Variants in FNIP2 observed in about 807,000 individuals in gnomAD.
FNIP2 encodes folliculin interacting protein 2.
FNIP2 carries 32 observed loss-of-function variants against 108.7 expected under a neutral mutation model. That is an observed-to-expected ratio of 0.29 (90% CI 0.22 to 0.40). The LOEUF (loss-of-function observed/expected upper bound fraction) is 0.40, where lower values mean the gene tolerates loss of function less well. FNIP2 is among the 10% of genes least tolerant of loss of function. The pLI, the probability that FNIP2 is intolerant of heterozygous loss-of-function variation, is 1.00. For synonymous variants in FNIP2, 480 were observed against 496.7 expected, an observed-to-expected ratio of 0.97 and a Z score of 0.45; for missense variants, 1,202 against 1,381.6, an observed-to-expected ratio of 0.87 and a Z score of 2.06.
rs879207636 is a variant in FNIP2, at chr4:158,870,301, A to G, written c.2793-12A>G. 4.6e-5 allele frequency: 74 copies of G among 1,610,392 alleles called. 3 individuals are homozygous for G. The South Asian group carries it at 8.0e-4, about 17-fold the overall frequency. ...TTAGCTGTGCATTTTAATGGGCCAC[A>G]TGTTGTTTTAGGTCTCAGAGCATCA... On this transcript the variant is annotated splice_polypyrimidine_tract_variant and intron_variant, in intron 13 of 16. Transcript: ENST00000264433.
intron 1 of FNIP2, among the ~76,000 whole-genome samples, chr4:158,794,892 T>C (rs1776531967): frequency 6.6e-6 from 1 of 152,240 alleles, no homozygotes; most frequent in Non-Finnish European, 1.5e-5. Context: ...ACATTAATCC[T>C]CTCGAAGTTG....
rs1203391209 is a variant in FNIP2, at chr4:158,871,856, G to T, written c.2949+1387G>T. The T allele has an allele frequency of 5.1e-6, 5 of 985,276 alleles. No individual in the cohort carries two copies. The African/African-American group carries it at 7.0e-5, about 14-fold the overall frequency. The allele number at this position is 985,276 out of a possible 1,614,324, so 61.0% of individuals were successfully genotyped here. A position where few individuals can be genotyped will look rare whatever the true frequency, so the allele number is the denominator to read the frequency against. On this transcript the variant is annotated intron_variant, in intron 14 of 16. Transcript: ENST00000264433. The stretch of plus-strand genomic sequence containing the variant: ...CCCCTGTAAGAAAAATGCCCTCATT[G>T]TATAATGCTAAGTTGTCCAAAACGA...
chr4:158,795,401 C>T (rs762944533), intron 1 of FNIP2, among the ~76,000 whole-genome samples: 17 of 152,216 alleles, frequency 1.1e-4, no homozygotes, highest in Non-Finnish European at 1.5e-5. Context: ...AGGTGTGGTC[C>T]ATGTCCTCGA....
rs116173749 is a variant in FNIP2, at chr4:158,835,212, G to A, written c.656-193G>A. 2.2e-3 allele frequency: 658 copies of A among 304,354 alleles called. 6 individuals carry two copies. The highest frequency in any genetic ancestry group is 0.013 in the African/African-American group (611 of 46,662). The allele number at this position is 304,354 out of a possible 1,614,324, so 18.9% of individuals were successfully genotyped here. A position where few individuals can be genotyped will look rare whatever the true frequency, so the allele number is the denominator to read the frequency against. ...AATACAGGCAGATTTTTATGAGATGGTTACTTGGTTCTCTTTTCTTCTCAT... is the reference window on the plus strand; with the variant it reads ...AATACAGGCAGATTTTTATGAGATGATTACTTGGTTCTCTTTTCTTCTCAT... On this transcript the variant is annotated intron_variant, in intron 6 of 16. Coordinates refer to ENST00000264433, the MANE Select transcript of FNIP2 (RefSeq NM_020840.3).
intron 11 of FNIP2, 28 bp downstream of exon 11, chr4:158,861,516 A>G (rs766507930): frequency 7.4e-6 from 12 of 1,613,810 alleles, no homozygotes; most frequent in African/African-American, 1.3e-5. Context: ...GGAGACTTGT[A>G]TGCAAATCTC....
Position 158,769,339 on chromosome 4 carries a change from C to A in FNIP2, c.107+20C>A. On this transcript the variant is annotated intron_variant, in intron 1 of 16. Transcript: ENST00000264433. ...CTTTAGGTGAGGGGGCGCCGGGGGG[C>A]AATTCTGGCGCGGGACCCGAGTTGG... is the stretch of plus-strand genomic sequence containing the variant. 1 of 1,456,120 alleles carries A rather than the reference C, an allele frequency of 6.9e-7. No homozygotes were observed. Among genetic ancestry groups the A allele is most frequent in the Non-Finnish European group, 9.1e-7 (1 of 1,097,854 alleles). 90.2% of individuals were successfully genotyped at this position (1,456,120 alleles called of 1,614,324 possible).
At chr4:158,799,169 CTG>C (rs1776682554) in intron 1 of FNIP2, among the ~76,000 whole-genome samples, 1 of 152,234 alleles carries the variant, frequency 6.6e-6, no homozygotes, top group African/African-American at 2.4e-5. Context: ...CTTCTCAATA[CTG>C]ACAGCATTTT....
At chr4:158,787,557 C>T (rs547968010) in intron 1 of FNIP2, among the ~76,000 whole-genome samples, 45 of 152,262 alleles carry the variant, frequency 3.0e-4, no homozygotes, top group Admixed American at 1.0e-3. Context: ...GGGACGCAGA[C>T]CTTTTGATTC....
At chr4:158,782,924 C>G (rs1776102323) in intron 1 of FNIP2, among the ~76,000 whole-genome samples, 1 of 152,188 alleles carries the variant, frequency 6.6e-6, no homozygotes, top group Non-Finnish European at 1.5e-5. Flanking sequence ...AAAAAGCAGT[C>G]TAGTTCCAGT....
chr4:158,900,718 T>C (rs1340926178), intron 16 of FNIP2, among the ~76,000 whole-genome samples: 1 of 152,186 alleles, frequency 6.6e-6, no homozygotes, highest in Admixed American at 6.5e-5. Flanking sequence ...ATTTTGAGTC[T>C]GTGTATGTGT....
At position 158,882,631 on chromosome 4, in the gene FNIP2, A is replaced by C. The variant is rs552360908; in HGVS notation, c.2950-8815A>C. ...GTGTAGAAAGAAGTAGATATAGGAG[A>C]CTCCATTTTGTTCTGTACTAAGAAA... On this transcript the variant is annotated intron_variant, in intron 14 of 16. Transcript: ENST00000264433. 3.7e-4 allele frequency among the ~76,000 whole-genome samples: 56 copies of C among 151,992 alleles called. No homozygotes were observed. The South Asian group carries it at 0.011, about 29-fold the overall frequency.
At chr4:158,784,293 G>A (rs1346126179) in intron 1 of FNIP2, among the ~76,000 whole-genome samples, 4 of 152,058 alleles carry the variant, frequency 2.6e-5, no homozygotes, top group East Asian at 1.9e-4. Context: ...TTCCAAACTC[G>A]GTTTAGATGC....
intron 1 of FNIP2, among the ~76,000 whole-genome samples, chr4:158,799,881 C>T (rs983976492): frequency 6.6e-6 from 1 of 151,964 alleles, no homozygotes; most frequent in Non-Finnish European, 1.5e-5. Context: ...GATATTGGAC[C>T]TTTAAACAAA....
chr4:158,806,682 A>G (rs1327960324), intron 1 of FNIP2, among the ~76,000 whole-genome samples: 2 of 152,222 alleles, frequency 1.3e-5, no homozygotes, highest in African/African-American at 4.8e-5. Flanking sequence ...ACTGGAGCCA[A>G]CTTATAAGAA....
At position 158,870,302 on chromosome 4, in the gene FNIP2, T is replaced by C. The variant is rs776374093; in HGVS notation, c.2793-11T>C. On this transcript the variant is annotated splice_polypyrimidine_tract_variant and intron_variant, in intron 13 of 16. Coordinates refer to ENST00000264433, the MANE Select transcript of FNIP2 (RefSeq NM_020840.3). The stretch of plus-strand genomic sequence containing the variant: ...TAGCTGTGCATTTTAATGGGCCACA[T>C]GTTGTTTTAGGTCTCAGAGCATCAG... 1 of 1,610,374 alleles carries C rather than the reference T, an allele frequency of 6.2e-7. No homozygotes were observed. The highest frequency in any genetic ancestry group is 1.7e-5 in the Admixed American group (1 of 59,950).
intron 1 of FNIP2, among the ~76,000 whole-genome samples, chr4:158,794,900 T>G (rs990562752): frequency 9.2e-5 from 14 of 152,236 alleles, no homozygotes; most frequent in African/African-American, 3.1e-4. Flanking sequence ...CCTCTCGAAG[T>G]TGTTAGTATA....
intron 8 of FNIP2, among the ~76,000 whole-genome samples, chr4:158,855,645 A>T (rs1175214908): frequency 1.3e-5 from 2 of 152,102 alleles, no homozygotes; most frequent in Non-Finnish European, 2.9e-5. Context: ...ACGGAGTTTC[A>T]CCATGTTGGC....
intron 1 of FNIP2, among the ~76,000 whole-genome samples, chr4:158,784,922 C>T (rs765808800): frequency 6.6e-6 from 1 of 152,066 alleles, no homozygotes; most frequent in South Asian, 2.1e-4. Context: ...CAGATTATAC[C>T]TTGACAGCAA....
chr4:158,801,516 A>C (rs1321352271), intron 1 of FNIP2, among the ~76,000 whole-genome samples: 3 of 152,200 alleles, frequency 2.0e-5, no homozygotes, highest in Admixed American at 6.5e-5. Flanking sequence ...GCTCCTGAGC[A>C]AGGATGCCTG....
Sources: gnomAD v4.1 joint callset for allele counts (sites outside exome capture counted in the v4.1 genomes callset) on GRCh38, gnomAD v4.1.1 for gene constraint, MANE v1.5 for transcripts, NCBI Gene and HGNC (gene_info 2026-07-23, HGNC 2026-07-21) for gene names.